Variants in HK1 observed in about 807,000 individuals in gnomAD.
HK1 encodes the protein hexokinase 1, also known as hexokinase-1.
In HK1, 28 loss-of-function variants were observed where a neutral mutation model predicts 91.6. The ratio of observed to expected loss-of-function variants is 0.31; its 90% CI spans 0.23 to 0.42. The LOEUF (loss-of-function observed/expected upper bound fraction) is 0.42. Among genes scored for constraint, HK1 ranks in the 10% least tolerant of loss-of-function variants. The probability of loss-of-function intolerance (pLI) is 1.00; values close to 1 mark genes in which losing one functional copy is unlikely to be tolerated. For synonymous variants in HK1, 430 were observed against 468.1 expected, an observed-to-expected ratio of 0.92 and a Z score of 1.05; for missense variants, 770 against 1,219.8, an observed-to-expected ratio of 0.63 and a Z score of 5.49.
intron 2 of HK1, among the ~76,000 whole-genome samples, chr10:69,352,824 A>G (rs952564219): frequency 8.5e-5 from 13 of 152,198 alleles, no homozygotes; most frequent in African/African-American, 3.1e-4. Context: ...CTCTGTAAAT[A>G]TGCTGAAAAC....
intron 10 of HK1, among the ~76,000 whole-genome samples, chr10:69,384,016 A>G (rs1241689827): frequency 6.6e-6 from 1 of 152,266 alleles, no homozygotes; most frequent in Non-Finnish European, 1.5e-5. Flanking sequence ...CTGTTTTTGC[A>G]AATACCCCAC....
chr10:69,401,185 C>T lies in HK1; in HGVS notation c.*50C>T, dbSNP rs200311919. 12 of 1,580,250 alleles carry T rather than the reference C, an allele frequency of 7.6e-6. No individual in the cohort carries two copies. In the African/African-American group the frequency reaches 8.1e-5, roughly 11 times the overall value. On this transcript the variant is annotated 3_prime_UTR_variant, in exon 18 of 18. Transcript: ENST00000359426. ...CCTCTCCAGCACTTCTCTCTTCAAG[C>T]GGCGACCCCCTACCCTCCCAGCGAG...
intron 10 of HK1, among the ~76,000 whole-genome samples, chr10:69,383,972 G>A (rs1400731466): frequency 6.6e-6 from 1 of 152,256 alleles, no homozygotes; most frequent in Non-Finnish European, 1.5e-5. Flanking sequence ...TTGCAAAGAA[G>A]GATTTTGCAC....
At chr10:69,329,697 A>G (rs910655676) in intron 1 of HK1, among the ~76,000 whole-genome samples, 7 of 151,956 alleles carry the variant, frequency 4.6e-5, no homozygotes, top group Admixed American at 3.9e-4. Context: ...ATTACACCCA[A>G]CTCTCATTGT....
At chr10:69,340,548 C>A (rs959636726) in intron 1 of HK1, among the ~76,000 whole-genome samples, 3 of 152,234 alleles carry the variant, frequency 2.0e-5, no homozygotes. Context: ...TTGCTCCCGG[C>A]CTTAAAATTA....
At position 69,380,087 on chromosome 10, in the gene HK1, G is replaced by A. The variant is rs144445980; in HGVS notation, c.1257G>A (p.Thr419=). ...TVGVDGSLYK[T]HPQYSRRFHK... is the part of the protein sequence containing the mutation. The stretch of plus-strand genomic sequence containing the variant: ...GTGTCGACGGATCTCTTTACAAGAC[G>A]CACCCACAGTGAGTCTGCCCTTTGC... The change falls in exon 9 of 18, where the codon ACG becomes ACA. Residue 419 remains threonine (T), a synonymous_variant. Coordinates refer to ENST00000359426, the MANE Select transcript of HK1 (RefSeq NM_000188.3). The surrounding 1 kb of genome is among the most constrained non-coding windows in gnomAD (Gnocchi z 4.0). The A allele has an allele frequency of 1.5e-5, 24 of 1,611,056 alleles. No individual in the cohort carries two copies. In the East Asian group the frequency reaches 2.2e-4, roughly 15 times the overall value.
chr10:69,324,751 C>T (rs1411824960), intron 1 of HK1, among the ~76,000 whole-genome samples: 2 of 152,186 alleles, frequency 1.3e-5, no homozygotes, highest in African/African-American at 4.8e-5. Context: ...CTTCAGGAAG[C>T]TGCTCCCATC....
At chr10:69,325,079 CT>C (rs1369574516) in intron 1 of HK1, among the ~76,000 whole-genome samples, 3 of 108,388 alleles carry the variant, frequency 2.8e-5, no homozygotes, top group Non-Finnish European at 1.7e-5. Context: ...GAGATGGAGT[CT>C]TCGCTCTGTT....
chr10:69,378,632 C>G (rs1245296615), intron 8 of HK1, among the ~76,000 whole-genome samples: 1 of 152,158 alleles, frequency 6.6e-6, no homozygotes, highest in African/African-American at 2.4e-5. Flanking sequence ...GTTGGCCAGG[C>G]TGGTCTCAAA....
chr10:69,377,175 G>T lies in HK1; in HGVS notation c.1031+86G>T. Reference sequence around the variant, plus strand: ...CTTGTTACTTCTTGAGTCCAAGTTTGGTGGCTTTTCCTTCAAGAGTGTCAT... The same window carrying T: ...CTTGTTACTTCTTGAGTCCAAGTTTTGTGGCTTTTCCTTCAAGAGTGTCAT... On this transcript the variant is annotated intron_variant, in intron 8 of 17. Coordinates refer to ENST00000359426, the MANE Select transcript of HK1 (RefSeq NM_000188.3). 5 of 1,518,832 alleles carry T rather than the reference G, an allele frequency of 3.3e-6. No homozygotes were observed. The East Asian group carries it at 1.1e-4, about 34-fold the overall frequency. The allele number at this position is 1,518,832 out of a possible 1,614,324, so 94.1% of individuals were successfully genotyped here. A position where few individuals can be genotyped will look rare whatever the true frequency, so the allele number is the denominator to read the frequency against.
At chr10:69,272,426 A>G (rs1442747673) in intron 1 of HK1, among the ~76,000 whole-genome samples, 1 of 152,210 alleles carries the variant, frequency 6.6e-6, no homozygotes, top group Non-Finnish European at 1.5e-5. Flanking sequence ...GGCAGATCTA[A>G]GCAATTTTAG....
At chr10:69,343,805 C>T (rs1848413135) in intron 1 of HK1, 22 bp from the exon 2 acceptor site, 5 of 1,602,986 alleles carry the variant, frequency 3.1e-6, no homozygotes, top group East Asian at 2.2e-5. Context: ...CCTCACTCTC[C>T]TTCCTTCTCA....
intron 2 of HK1, among the ~76,000 whole-genome samples, chr10:69,348,993 C>A (rs7093863): frequency 1.5e-4 from 23 of 151,902 alleles, no homozygotes; most frequent in African/African-American, 5.6e-4. Flanking sequence ...GCCAGTAGCC[C>A]TTCGGATGTG....
chr10:69,287,855 T>C (rs924813125), intron 2 of HK1, among the ~76,000 whole-genome samples: 2 of 151,936 alleles, frequency 1.3e-5, no homozygotes, highest in African/African-American at 4.8e-5. Flanking sequence ...AAGTCGTAAG[T>C]AGACTGAATG....
chr10:69,395,087 TTC>T lies in HK1; in HGVS notation c.2364_2365del (p.Gln789AspfsTer4). 1 of 1,613,976 alleles carries T rather than the reference TTC, an allele frequency of 6.2e-7. No individual in the cohort carries two copies. The highest frequency in any genetic ancestry group is 8.5e-7 in the Non-Finnish European group (1 of 1,179,982). ...ACCCGGGGCATCTTTGAGACCAAGT[TTC>T]TCTCTCAGATCGAGAGGTGAGTGGG... On this transcript the variant is annotated frameshift_variant, in exon 16 of 18. Transcript: ENST00000359426. LOFTEE classifies it high-confidence loss of function.
intron 1 of HK1, among the ~76,000 whole-genome samples, chr10:69,341,935 G>T (rs7094375): frequency 0.015 from 2,278 of 152,118 alleles, 62 homozygotes; most frequent in African/African-American, 0.052. Flanking sequence ...ATCACTTGAG[G>T]TCAGGAGTTT....
At position 69,380,477 on chromosome 10, in the gene HK1, G is replaced by T. The variant is rs1231810900; in HGVS notation, c.1265+382G>T. Among the ~76,000 whole-genome samples, 1 of 152,186 alleles carries T rather than the reference G, an allele frequency of 6.6e-6. No homozygotes were observed. The highest frequency in any genetic ancestry group is 2.4e-5 in the African/African-American group (1 of 41,438). ...GTCAAAAGTCGAGATGGAGATTTCT[G>T]TAGCTGTCGGCTCCTCTGGGTGGAA... On this transcript the variant is annotated intron_variant, in intron 9 of 17. Transcript: ENST00000359426. The surrounding 1 kb of genome is among the most constrained non-coding windows in gnomAD (Gnocchi z 4.0).
chr10:69,357,706 G>C (rs10823353), intron 2 of HK1, among the ~76,000 whole-genome samples: 2 of 152,010 alleles, frequency 1.3e-5, no homozygotes, highest in South Asian at 4.1e-4. Context: ...ACCTGCCTCA[G>C]CCTCCCAAAG....
rs1402723400 is a variant in HK1, at chr10:69,351,325, TG to T, written c.226+7338del. ...GAGTTTGAGACCAACCTGGCCAAGG[TG>T]GTGAAACCTCGTCTCTACTAAAAAT... On this transcript the variant is annotated intron_variant, in intron 2 of 17. Coordinates refer to ENST00000359426, the MANE Select transcript of HK1 (RefSeq NM_000188.3). 4.0e-5 allele frequency among the ~76,000 whole-genome samples: 6 copies of T among 151,294 alleles called. No homozygotes were observed. The East Asian group carries it at 1.2e-3, about 30-fold the overall frequency.
Sources: gnomAD v4.1 joint callset for allele counts (sites outside exome capture counted in the v4.1 genomes callset) on GRCh38, gnomAD v4.1.1 for gene constraint, Gnocchi (gnomAD v3.1) non-coding constraint, MANE v1.5 for transcripts, NCBI Gene and HGNC (gene_info 2026-07-23, HGNC 2026-07-21) for gene names.